The following CDH18 variants were observed in gnomAD, a reference collection of about 807,000 sequenced individuals.
The protein encoded by CDH18 is cadherin 18.
A neutral mutation model predicts 67.9 loss-of-function variants in CDH18; 31 were observed. The ratio of observed to expected loss-of-function variants is 0.46; its 90% CI spans 0.34 to 0.62. The LOEUF (loss-of-function observed/expected upper bound fraction) is 0.62. Among genes scored for constraint, CDH18 ranks in the 20% least tolerant of loss-of-function variants. CDH18 has a pLI of 0.01. For synonymous variants in CDH18, 362 were observed against 347.2 expected, an observed-to-expected ratio of 1.04 and a Z score of -0.48; for missense variants, 890 against 975.5, an observed-to-expected ratio of 0.91 and a Z score of 1.17.
At chr5:19,641,541 T>C (rs1753996645) in intron 5 of CDH18, among the ~76,000 whole-genome samples, 1 of 152,048 alleles carries the variant, frequency 6.6e-6, no homozygotes, top group Admixed American at 6.6e-5. Flanking sequence ...GTTTAACATA[T>C]GTAATACAAC....
intron 1 of CDH18, among the ~76,000 whole-genome samples, chr5:20,480,347 C>G (rs939796528): frequency 4.6e-5 from 7 of 152,078 alleles, no homozygotes; most frequent in African/African-American, 1.7e-4. Context: ...AAGACATAGA[C>G]AGTATAACAA....
chr5:20,351,831 A>C (rs1381566010), intron 1 of CDH18, among the ~76,000 whole-genome samples: 1 of 152,116 alleles, frequency 6.6e-6, no homozygotes, highest in Non-Finnish European at 1.5e-5. Flanking sequence ...ACTTTTCGGT[A>C]TTGCTTTTGC....
At chr5:20,289,925 T>C (rs2974591) in intron 1 of CDH18, among the ~76,000 whole-genome samples, 76,615 of 151,842 alleles carry the variant, frequency 0.5, 19,882 homozygotes, top group East Asian at 0.7. Context: ...ACCTAATCGC[T>C]TAGTTTTGTT....
At chr5:20,203,031 CA>C (rs1239119570) in intron 2 of CDH18, among the ~76,000 whole-genome samples, 1 of 152,028 alleles carries the variant, frequency 6.6e-6, no homozygotes, top group Non-Finnish European at 1.5e-5. Context: ...CATAACAAAA[CA>C]AAAAGACTAA....
chr5:20,439,547 C>T (rs1263619856), intron 1 of CDH18, among the ~76,000 whole-genome samples: 2 of 151,710 alleles, frequency 1.3e-5, no homozygotes, highest in Admixed American at 1.3e-4. Flanking sequence ...AGTTTATTAA[C>T]AGTATATTAG....
Position 19,943,989 on chromosome 5 carries a change from T to C in CDH18, c.-257+37071A>G, listed in dbSNP as rs372588898. Among the ~76,000 whole-genome samples, 36 of 152,226 alleles carry C rather than the reference T, an allele frequency of 2.4e-4. 1 individual carries two copies. The East Asian group carries it at 4.4e-3, about 19-fold the overall frequency. On this transcript the variant is annotated intron_variant, in intron 2 of 12. Coordinates refer to ENST00000382275, the MANE Select transcript of CDH18 (RefSeq NM_004934.5). ...ATATACCAAATACCAGGAACATAAA[T>C]ACCAGGTTAACTAATTCAACCAATA...
intron 1 of CDH18, among the ~76,000 whole-genome samples, chr5:20,285,859 T>G (rs1746659990): frequency 6.6e-6 from 1 of 151,720 alleles, no homozygotes; most frequent in Admixed American, 6.6e-5. Flanking sequence ...TTGAGTGCCC[T>G]AAGTAAAAGT....
intron 7 of CDH18, among the ~76,000 whole-genome samples, chr5:19,577,786 C>A (rs1364426361): frequency 6.6e-6 from 1 of 152,142 alleles, no homozygotes; most frequent in Non-Finnish European, 1.5e-5. Flanking sequence ...AGAGGCCTGA[C>A]GGCAACCCTG....
At chr5:19,509,510 G>A (rs1316789914) in intron 10 of CDH18, among the ~76,000 whole-genome samples, 3 of 152,094 alleles carry the variant, frequency 2.0e-5, no homozygotes, top group Non-Finnish European at 4.4e-5. Context: ...ATCGTTAATA[G>A]TATCTGCATA....
rs1003122111 is a variant in CDH18 at position 20,425,853 on chromosome 5, C to T, written c.-580+149609G>A. ...AAAGAATTAATTGGTTTATTTCTAT[C>T]ATTTTTATTGTTGTTGTTTTAACTG... On this transcript the variant is annotated intron_variant, in intron 1 of 14. Transcript: ENST00000507958. Among the ~76,000 whole-genome samples, 3 of 150,968 alleles carry T rather than the reference C, an allele frequency of 2.0e-5. 1 individual carries two copies. The highest frequency in any genetic ancestry group is 7.4e-5 in the African/African-American group (3 of 40,376).
intron 1 of CDH18, among the ~76,000 whole-genome samples, chr5:20,278,685 T>A (rs952581578): frequency 6.6e-6 from 1 of 152,138 alleles, no homozygotes; most frequent in Non-Finnish European, 1.5e-5. Flanking sequence ...TGATTAAAAA[T>A]AATAACTACA....
At chr5:20,358,333 T>G (rs1200513551) in intron 1 of CDH18, among the ~76,000 whole-genome samples, 1 of 152,002 alleles carries the variant, frequency 6.6e-6, no homozygotes, top group Admixed American at 6.6e-5. Context: ...ACAAAAATAA[T>G]AAAATTGGTC....
At chr5:20,331,828 A>T (rs1266491183) in intron 1 of CDH18, among the ~76,000 whole-genome samples, 1 of 152,170 alleles carries the variant, frequency 6.6e-6, no homozygotes, top group Non-Finnish European at 1.5e-5. Context: ...GCCCAAATAT[A>T]TATTGTTTTT....
intron 2 of CDH18, among the ~76,000 whole-genome samples, chr5:20,140,498 C>A (rs1180304072): frequency 3.3e-5 from 5 of 151,798 alleles, no homozygotes; most frequent in Non-Finnish European, 2.9e-5. Context: ...AAAAGAAATT[C>A]TTTAGGAATA....
chr5:19,534,067 A>G (rs1580061562), intron 9 of CDH18, among the ~76,000 whole-genome samples: 1 of 152,186 alleles, frequency 6.6e-6, no homozygotes, highest in African/African-American at 2.4e-5. Flanking sequence ...ATGTATTGGC[A>G]CATTAAGTAA....
intron 9 of CDH18, among the ~76,000 whole-genome samples, chr5:19,530,516 T>C (rs71610634): frequency 0.26 from 39,015 of 151,750 alleles, 5,166 homozygotes; most frequent in South Asian, 0.33. Flanking sequence ...ATGTGCCATG[T>C]TGGTGTGCTG....
At position 19,571,610 on chromosome 5, in the gene CDH18, G is replaced by C. The variant is rs1463207472; in HGVS notation, c.1222C>G (p.Gln408Glu). The C allele has an allele frequency of 1.2e-6, 2 of 1,613,986 alleles. No homozygotes were observed. Among genetic ancestry groups the C allele is most frequent in the Admixed American group, 1.7e-5 (1 of 60,012 alleles). ...AAGCTGTTAGTACTGTCAGGATCTT[G>C]TGCCAAAACTGTACCAACGACGGTC... The part of the protein sequence containing the change: ...IGTVVGTVLA[Q>E]DPDSTNSLVR... Residue 408 changes from glutamine (Q) to glutamate (E), a missense_variant, in exon 8 of 13, where the codon CAA becomes GAA. By Grantham distance (29) the Gln-to-Glu change is conservative. Coordinates refer to ENST00000382275, the MANE Select transcript of CDH18 (RefSeq NM_004934.5).
intron 11 of CDH18, among the ~76,000 whole-genome samples, chr5:19,486,107 T>C (rs1357788155): frequency 6.6e-6 from 1 of 151,992 alleles, no homozygotes; most frequent in African/African-American, 2.4e-5. Context: ...GAAAGGATGA[T>C]TCAGGAGGCA....
intron 1 of CDH18, among the ~76,000 whole-genome samples, chr5:20,307,438 A>T (rs1169208029): frequency 1.3e-5 from 2 of 152,220 alleles, no homozygotes; most frequent in African/African-American, 4.8e-5. Flanking sequence ...ATAACATTTA[A>T]TATGCTTTTT....
Sources: gnomAD v4.1 joint callset for allele counts (sites outside exome capture counted in the v4.1 genomes callset) on GRCh38, gnomAD v4.1.1 for gene constraint, MANE v1.5 for transcripts, NCBI Gene and HGNC (gene_info 2026-07-23, HGNC 2026-07-21) for gene names.